SH3D19: variants seen among roughly 807,000 people sequenced by gnomAD.
The protein encoded by SH3D19 is SH3 domain containing 19.
SH3D19 carries 58 observed loss-of-function variants against 112.1 expected under a neutral mutation model. That is an observed-to-expected ratio of 0.52 (90% CI 0.42 to 0.64). The LOEUF is 0.64. SH3D19 is among the 30% of genes least tolerant of loss of function. The pLI is 0.00. For synonymous variants in SH3D19, 391 were observed against 448.5 expected, an observed-to-expected ratio of 0.87 and a Z score of 1.62; for missense variants, 1,090 against 1,263.4, an observed-to-expected ratio of 0.86 and a Z score of 2.08.
chr4:151,122,337 G>T (rs974165891), intron 19 of SH3D19, 130 bp from the exon 20 acceptor site: 3 of 607,906 alleles, frequency 4.9e-6, no homozygotes. Context: ...AGAATTAAAT[G>T]ACAACAATGA....
chr4:151,210,706 G>A (rs6838845), intron 2 of SH3D19, among the ~76,000 whole-genome samples: 125,547 of 152,088 alleles, frequency 0.83, 53,704 homozygotes, highest in Non-Finnish European at 0.95. Flanking sequence ...TGGCCCCCCA[G>A]TATTTTTTTT....
chr4:151,161,635 TA>T (rs142798235), intron 8 of SH3D19, among the ~76,000 whole-genome samples: 19 of 141,358 alleles, frequency 1.3e-4, no homozygotes, highest in African/African-American at 4.8e-4. Flanking sequence ...TATATATATA[TA>T]TATATTTTAA....
At chr4:151,324,433 T>C (rs1730846770) in intron 1 of SH3D19, among the ~76,000 whole-genome samples, 1 of 152,178 alleles carries the variant, frequency 6.6e-6, no homozygotes, top group South Asian at 2.1e-4. Flanking sequence ...CCTAGGTTTG[T>C]TCTTCCCTCT....
chr4:151,276,697 T>C (rs915123928), intron 1 of SH3D19, among the ~76,000 whole-genome samples: 1 of 152,182 alleles, frequency 6.6e-6, no homozygotes, highest in Non-Finnish European at 1.5e-5. Flanking sequence ...TGTCTTAGAG[T>C]CTGTTTCCCA....
At chr4:151,284,801 C>T (rs142858709) in intron 1 of SH3D19, among the ~76,000 whole-genome samples, 25 of 152,332 alleles carry the variant, frequency 1.6e-4, no homozygotes, top group Middle Eastern at 3.4e-3. Flanking sequence ...CAAACTGGAT[C>T]TCTCCTGTGA....
At chr4:151,171,475 TG>T (rs1561276051) in intron 7 of SH3D19, among the ~76,000 whole-genome samples, 1 of 152,216 alleles carries the variant, frequency 6.6e-6, no homozygotes, top group Non-Finnish European at 1.5e-5. Flanking sequence ...TTTGCAGTGA[TG>T]GCATTTTTGT....
intron 2 of SH3D19, among the ~76,000 whole-genome samples, chr4:151,192,290 C>T (rs1762787063): frequency 6.6e-6 from 1 of 151,996 alleles, no homozygotes; most frequent in Non-Finnish European, 1.5e-5. Flanking sequence ...TGTGAGCTGG[C>T]CAATTTACTT....
At chr4:151,189,476 C>T (rs993001995) in intron 2 of SH3D19, among the ~76,000 whole-genome samples, 8 of 152,074 alleles carry the variant, frequency 5.3e-5, no homozygotes, top group East Asian at 1.9e-4. Context: ...CAAATTTCAT[C>T]GTGAATTGTA....
intron 1 of SH3D19, among the ~76,000 whole-genome samples, chr4:151,319,869 A>G (rs1032210828): frequency 6.6e-6 from 1 of 152,236 alleles, no homozygotes; most frequent in Non-Finnish European, 1.5e-5. Flanking sequence ...GTGGAGCATC[A>G]ATAGTAACTG....
chr4:151,146,198 G>A (rs1579769128), intron 11 of SH3D19, among the ~76,000 whole-genome samples: 1 of 152,298 alleles, frequency 6.6e-6, no homozygotes, highest in East Asian at 1.9e-4. Context: ...TGATGGAAAT[G>A]TAACACAACA....
At chr4:151,245,084 CA>C (rs1468949624) in intron 1 of SH3D19, among the ~76,000 whole-genome samples, 2 of 151,808 alleles carry the variant, frequency 1.3e-5, no homozygotes, top group African/African-American at 4.8e-5. Context: ...GCGAAGGTTG[CA>C]GTGAGCCGAG....
At chr4:151,238,017 C>T (rs1052517086) in intron 1 of SH3D19, among the ~76,000 whole-genome samples, 15 of 151,836 alleles carry the variant, frequency 9.9e-5, no homozygotes, top group Admixed American at 8.5e-4. Context: ...TAGCCTCTGG[C>T]AGAAGTAATA....
chr4:151,131,891 C>T (rs545276277), intron 17 of SH3D19, among the ~76,000 whole-genome samples: 1 of 152,194 alleles, frequency 6.6e-6, no homozygotes, highest in East Asian at 1.9e-4. Context: ...GTGGTGCTAT[C>T]TTGGCTCACT....
At chr4:151,263,535 G>C (rs946423196) in intron 1 of SH3D19, among the ~76,000 whole-genome samples, 1 of 152,216 alleles carries the variant, frequency 6.6e-6, no homozygotes, top group African/African-American at 2.4e-5. Flanking sequence ...TTATCTCATA[G>C]TTTCTGCAGG....
At position 151,323,593 on chromosome 4, in the gene SH3D19, T is replaced by A. The variant is rs188536263; in HGVS notation, c.112+1648A>T. Among the ~76,000 whole-genome samples the A allele has an allele frequency of 2.7e-4, 41 of 152,306 alleles. No homozygotes were observed. In the East Asian group the frequency reaches 7.9e-3, roughly 29 times the overall value. The stretch of plus-strand genomic sequence containing the variant: ...ATTCCATTACATCGTCCTCACACCC[T>A]TTAATGGAAAAAGGGCATATAAATG... On this transcript the variant is annotated intron_variant, in intron 1 of 19. Transcript: ENST00000604030.
intron 2 of SH3D19, among the ~76,000 whole-genome samples, chr4:151,196,762 C>A (rs1247065636): frequency 1.3e-5 from 2 of 151,896 alleles, no homozygotes; most frequent in Non-Finnish European, 2.9e-5. Flanking sequence ...GGACTAATAT[C>A]CAGAATTTAC....
intron 1 of SH3D19, among the ~76,000 whole-genome samples, chr4:151,298,681 C>T (rs1035017300): frequency 1.3e-5 from 2 of 152,192 alleles, no homozygotes; most frequent in Admixed American, 6.5e-5. Flanking sequence ...TTCTCCACAT[C>T]ACCTTTAACA....
chr4:151,266,593 AT>A (rs1177788437), intron 1 of SH3D19, among the ~76,000 whole-genome samples: 2 of 152,212 alleles, frequency 1.3e-5, no homozygotes, highest in Non-Finnish European at 2.9e-5. Context: ...TGGTTCATAC[AT>A]AAGCCTCAGA....
chr4:151,203,039 G>A (rs774960621), intron 2 of SH3D19, among the ~76,000 whole-genome samples: 3 of 152,142 alleles, frequency 2.0e-5, no homozygotes, highest in Admixed American at 6.5e-5. Flanking sequence ...GGAGACAAAC[G>A]AGGAAAGAGA....
Sources: gnomAD v4.1 joint callset for allele counts (sites outside exome capture counted in the v4.1 genomes callset) on GRCh38, gnomAD v4.1.1 for gene constraint, MANE v1.5 for transcripts, NCBI Gene and HGNC (gene_info 2026-07-23, HGNC 2026-07-21) for gene names.